The following ASMTL variants were observed in gnomAD, a reference collection of about 807,000 sequenced individuals.
The protein encoded by ASMTL is acetylserotonin O-methyltransferase like, also known as probable bifunctional dTTP/UTP pyrophosphatase/methyltransferase protein.
In ASMTL, 57 loss-of-function variants were observed where a neutral mutation model predicts 60.3. The observed-to-expected ratio is 0.95, with a 90% CI of 0.76 to 1.18. The LOEUF (loss-of-function observed/expected upper bound fraction) is 1.18. Among genes scored for constraint, ASMTL ranks in the 50% most tolerant of loss-of-function variants. The pLI, the probability that ASMTL is intolerant of heterozygous loss-of-function variation, is 0.00. For synonymous variants in ASMTL, 419 were observed against 373.0 expected (o/e 1.12, Z -1.42); for missense variants, 981 against 852.6 (o/e 1.15, Z -1.88).
chrX:1,440,139 G>T (rs1401984429), intron 2 of ASMTL, among the ~76,000 whole-genome samples: 67 of 151,270 alleles, frequency 4.4e-4, no homozygotes, highest in African/African-American at 9.9e-4. Flanking sequence ...CAGGCTGGAG[G>T]GCAGTGGCGC....
intron 6 of ASMTL, among the ~76,000 whole-genome samples, chrX:1,430,983 TA>T (rs1249358109): frequency 7.2e-6 from 1 of 138,310 alleles, no homozygotes; most frequent in African/African-American, 2.7e-5. Flanking sequence ...AATTTACATA[TA>T]ATCACACTTT....
Position 1,418,044 on chromosome X carries a change from G to C in ASMTL, c.1451C>G (p.Pro484Arg), listed in dbSNP as rs2090362386. 1 of 1,613,654 alleles carries C rather than the reference G, an allele frequency of 6.2e-7. No individual in the cohort carries two copies. The highest frequency in any genetic ancestry group is 2.2e-5 in the East Asian group (1 of 44,866). Residue 484 changes from proline (P) to arginine (R), a missense_variant, in exon 11 of 13, where the codon CCA becomes CGA. Transcript: ENST00000381317. ...PRMQVTVFDL[P>R]DIIELAAHFQ... The stretch of plus-strand genomic sequence containing the variant: ...GTGGGCGGCCAGCTCGATAATGTCT[G>C]GGAGGTCAAACACAGTCACCTGCAT...
intron 12 of ASMTL, among the ~76,000 whole-genome samples, chrX:1,406,605 TA>T (rs1569530851): frequency 2.0e-5 from 3 of 150,092 alleles, no homozygotes; most frequent in South Asian, 2.1e-4. Context: ...GGTGAATAGA[TA>T]GGTAGGTAGG....
intron 1 of ASMTL, among the ~76,000 whole-genome samples, chrX:1,451,176 AG>A (rs2091370230): frequency 3.9e-4 from 1 of 2,534 alleles, no homozygotes; most frequent in East Asian, 0.071. Flanking sequence ...CCCCATCCCT[AG>A]GGGGTCCTGG....
chrX:1,444,301 C>T (rs2091187455), intron 1 of ASMTL, among the ~76,000 whole-genome samples: 1 of 151,644 alleles, frequency 6.6e-6, no homozygotes, highest in Admixed American at 6.6e-5. Context: ...CTCCATCTCC[C>T]AGGATCAAGC....
intron 12 of ASMTL, among the ~76,000 whole-genome samples, chrX:1,412,343 T>G (rs2090061628): frequency 2.6e-5 from 4 of 152,106 alleles, no homozygotes; most frequent in Non-Finnish European, 5.9e-5. Flanking sequence ...TTCTCCTGCC[T>G]CAGCCTCTGA....
intron 6 of ASMTL, among the ~76,000 whole-genome samples, chrX:1,431,366 T>C (rs1256141035): frequency 7.4e-6 from 1 of 134,594 alleles, no homozygotes; most frequent in Non-Finnish European, 1.5e-5. Context: ...ATAATTTATA[T>C]ATAATTATAA....
At chrX:1,416,586 GACATACAC>G (rs1484688770) in intron 11 of ASMTL, among the ~76,000 whole-genome samples, 1 of 104,866 alleles carries the variant, frequency 9.5e-6, no homozygotes, top group Non-Finnish European at 2.2e-5. Flanking sequence ...CAGACACACA[GACATACAC>G]ACATATACCC....
At chrX:1,407,497 T>C (rs1480964964) in intron 12 of ASMTL, among the ~76,000 whole-genome samples, 4 of 149,782 alleles carry the variant, frequency 2.7e-5, no homozygotes, top group Non-Finnish European at 5.9e-5. Context: ...ATGGATGAGA[T>C]GGATGGATGG....
chrX:1,424,540 ACATCCATCCATCCATCCATCTGTCCGTC>A (rs1288888398), intron 8 of ASMTL, among the ~76,000 whole-genome samples: 1 of 75,496 alleles, frequency 1.3e-5, no homozygotes, highest in Non-Finnish European at 3.1e-5. Context: ...ATCCATCCAC[ACATCCATCCATCCATCCATCTGTCCGTC>A]CATCCATCCA....
intron 6 of ASMTL, among the ~76,000 whole-genome samples, chrX:1,431,630 TA>T (rs1402790987): frequency 6.9e-6 from 1 of 145,228 alleles, no homozygotes; most frequent in African/African-American, 2.5e-5. Context: ...CAATATATTA[TA>T]AATATATATT....
At chrX:1,404,004 A>G (rs750127570) in intron 12 of ASMTL, among the ~76,000 whole-genome samples, 12 of 149,960 alleles carry the variant, frequency 8.0e-5, no homozygotes, top group Non-Finnish European at 3.0e-5. Context: ...GGGTGAATAG[A>G]TGGTACATGA....
In ASMTL at chrX:1,431,116, AATAT is replaced by A. The variant is rs1419877653; in HGVS notation, c.509+1149_509+1152del. Among the ~76,000 whole-genome samples, 3 of 124,914 alleles carry A rather than the reference AATAT, an allele frequency of 2.4e-5. No homozygotes were observed. The Admixed American group carries it at 2.7e-4, about 11-fold the overall frequency. The allele number at this position is 124,914 out of a possible 152,430, so 81.9% of individuals were successfully genotyped here. A position where few individuals can be genotyped will look rare whatever the true frequency, so the allele number is the denominator to read the frequency against. Reference sequence around the variant, plus strand: ...ATATAAATATATAATTATATTTTATAATATATAATCATTTTATAATTATATATAT... The same window carrying A: ...ATATAAATATATAATTATATTTTATAATAATCATTTTATAATTATATATAT... On this transcript the variant is annotated intron_variant, in intron 6 of 12. Transcript: ENST00000381317.
intron 12 of ASMTL, among the ~76,000 whole-genome samples, chrX:1,411,735 AAG>A (rs112269505): frequency 0.64 from 95,961 of 150,036 alleles, 31,165 homozygotes; most frequent in African/African-American, 0.75. Context: ...AGACCTCCTC[AAG>A]AATGAAGACT....
chrX:1,423,313 T>C (rs1184505701), intron 8 of ASMTL, among the ~76,000 whole-genome samples: 1 of 151,934 alleles, frequency 6.6e-6, no homozygotes, highest in Admixed American at 6.6e-5. Flanking sequence ...GCTTCTATGT[T>C]CCAGCCTCTA....
intron 1 of ASMTL, among the ~76,000 whole-genome samples, chrX:1,451,341 C>T (rs1436989713): frequency 6.7e-6 from 1 of 149,026 alleles, no homozygotes; most frequent in East Asian, 2.0e-4. Flanking sequence ...GGTCACTCTC[C>T]CCTCCCCATT....
At position 1,434,672 on chromosome X, in the gene ASMTL, TGG is replaced by T. The variant is rs1569534073; in HGVS notation, c.400+348_400+349del. ...TACAAAAATTAGCCGGGCATGGTGG[TGG>T]GCACCTGTAATCCCAGCTACTGAGG... On this transcript the variant is annotated intron_variant, in intron 5 of 12. Transcript: ENST00000381317. Among the ~76,000 whole-genome samples the T allele has an allele frequency of 2.0e-5, 3 of 149,012 alleles. No homozygotes were observed. In the East Asian group the frequency reaches 5.9e-4, roughly 29 times the overall value.
chrX:1,432,243 G>C (rs371228246), intron 6 of ASMTL, 26 bp downstream of exon 6: 7 of 1,550,818 alleles, frequency 4.5e-6, no homozygotes, highest in East Asian at 2.3e-5. Context: ...CGTGTCCCCC[G>C]TCCCCCCACC....
intron 9 of ASMTL, among the ~76,000 whole-genome samples, chrX:1,420,928 G>A (rs1215092180): frequency 6.7e-6 from 1 of 150,364 alleles, no homozygotes; most frequent in African/African-American, 2.5e-5. Context: ...GCCTCCCAAA[G>A]TAGCTGCCTA....
Sources: gnomAD v4.1 joint callset for allele counts (sites outside exome capture counted in the v4.1 genomes callset) on GRCh38, gnomAD v4.1.1 for gene constraint, MANE v1.5 for transcripts, NCBI Gene and HGNC (gene_info 2026-07-23, HGNC 2026-07-21) for gene names.